The following MUC12 variants were observed in gnomAD, a reference collection of about 807,000 sequenced individuals.
The protein encoded by MUC12 is mucin 12, cell surface associated, also known as mucin-12.
MUC12 carries 172 observed loss-of-function variants against 230.8 expected under a neutral mutation model. The ratio of observed to expected loss-of-function variants is 0.75; its 90% CI spans 0.66 to 0.85. The LOEUF (loss-of-function observed/expected upper bound fraction) is 0.85, where lower values mean the gene tolerates loss of function less well. Ranked by LOEUF, MUC12 falls within the 40% of genes least tolerant of loss-of-function variation. MUC12 has a pLI of 0.00. For missense variants in MUC12, 3,506 were observed against 5,920.6 expected (o/e 0.59, Z 13.38); for synonymous variants, 1,259 against 2,401.9 (o/e 0.52, Z 13.91).
chr7:100,969,744 C>G, intron 1 of MUC12, 55 bp downstream of exon 1: 1 of 1,535,362 alleles, frequency 6.5e-7, no homozygotes, highest in Non-Finnish European at 8.7e-7. Context: ...GGTAATAGTA[C>G]ATGCCCCTGC....
rs545532995 is a variant in MUC12 at position 101,004,941 on chromosome 7, A to G, written c.14378A>G (p.Glu4793Gly). Residue 4793 changes from glutamate (E) to glycine (G), a missense_variant, in exon 2 of 12, where the codon GAA (glutamate) becomes GGA (glycine). Physicochemically the swap from Glu to Gly is moderately conservative, Grantham distance 98. Coordinates refer to ENST00000536621, the MANE Select transcript of MUC12 (RefSeq NM_001164462.2). The part of the protein sequence containing the change: ...ASTTTSGLSQ[E>G]STTFHSKPGS... ...ACCACCACCTCAGGCCTCAGTCAGG[A>G]ATCAACAACTTTCCACAGTAAGCCA... 9.8e-6 allele frequency: 15 copies of G among 1,537,854 alleles called. No individual in the cohort carries two copies. In the East Asian group the frequency reaches 1.5e-4, roughly 15 times the overall value.
intron 5 of MUC12, 71 bp downstream of exon 5, chr7:101,009,230 T>C: frequency 7.0e-7 from 1 of 1,424,702 alleles, no homozygotes; most frequent in Non-Finnish European, 9.6e-7. Flanking sequence ...TGCCTCCTCC[T>C]ATCATGAATG....
At chr7:101,008,247 C>G (rs1793785498) in intron 3 of MUC12, among the ~76,000 whole-genome samples, 1 of 152,142 alleles carries the variant, frequency 6.6e-6, no homozygotes, top group Non-Finnish European at 1.5e-5. Flanking sequence ...TGGCCTCAGC[C>G]TTCCGAGTAG....
At chr7:100,972,082 G>A (rs755774451) in intron 1 of MUC12, 1 of 703,080 alleles carries the variant, frequency 1.4e-6, no homozygotes, top group Non-Finnish European at 2.6e-6. Flanking sequence ...CGGAAGATCT[G>A]ATTAGATCCA....
intron 1 of MUC12, among the ~76,000 whole-genome samples, chr7:100,970,804 T>C (rs1271805836): frequency 6.6e-6 from 1 of 151,988 alleles, no homozygotes; most frequent in Non-Finnish European, 1.5e-5. Context: ...GAGACCATCC[T>C]GGCTAACACG....
Position 101,014,053 on chromosome 7 carries a change from T to C in MUC12, c.15779T>C (p.Leu5260Pro). Residue 5260 changes from leucine to proline, a missense_variant, in exon 9 of 12, where the codon CTA (leucine) becomes CCA (proline). Transcript: ENST00000536621. ...ATCATCCTAATCATCTTATTCAGCCTATCCCAGAGAAAACGGCACAGGTGA... is the reference window on the plus strand; with the variant it reads ...ATCATCCTAATCATCTTATTCAGCCCATCCCAGAGAAAACGGCACAGGTGA... ...ALIILIILFS[L>P]SQRKRHREQY... is the part of the protein sequence containing the mutation. 1 of 1,535,234 alleles carries C rather than the reference T, an allele frequency of 6.5e-7. No individual in the cohort carries two copies. The highest frequency in any genetic ancestry group is 8.7e-7 in the Non-Finnish European group (1 of 1,145,732).
Position 101,018,716 on chromosome 7 carries a change from G to C in MUC12, c.*80G>C. ...AGAGCCCACCACAAGCCTCCGGGGC[G>C]GGTCAAGAGGAGACCGAAGTCAGGC... On this transcript the variant is annotated 3_prime_UTR_variant, in exon 12 of 12. Coordinates refer to ENST00000536621, the MANE Select transcript of MUC12 (RefSeq NM_001164462.2). 1 of 1,409,900 alleles carries C rather than the reference G, an allele frequency of 7.1e-7. No homozygotes were observed. The highest frequency in any genetic ancestry group is 9.5e-7 in the Non-Finnish European group (1 of 1,057,494). 87.3% of individuals were successfully genotyped at this position (1,409,900 alleles called of 1,614,324 possible).
intron 1 of MUC12, among the ~76,000 whole-genome samples, chr7:100,990,180 T>A (rs1029138728): frequency 6.6e-6 from 1 of 152,102 alleles, no homozygotes; most frequent in Non-Finnish European, 1.5e-5. Context: ...AAGAAGTGAG[T>A]AGCGGGCCAG....
chr7:101,009,130 G>A lies in MUC12; in HGVS notation c.15222G>A (p.Gln5074=). Residue 5074 remains glutamine, a synonymous_variant, in exon 5 of 12, where the codon CAG becomes CAA. Coordinates refer to ENST00000536621, the MANE Select transcript of MUC12 (RefSeq NM_001164462.2). ...TTTTGAAGGGCGACAATCTTCCTCA[G>A]TATAGAGGGGTGAACATTCGGAGAT... is the stretch of plus-strand genomic sequence containing the variant. The part of the protein sequence containing the change: ...DVVLKGDNLP[Q]YRGVNIRRLL... The A allele has an allele frequency of 1.3e-6, 2 of 1,537,948 alleles. No individual in the cohort carries two copies. Among genetic ancestry groups the A allele is most frequent in the Non-Finnish European group, 1.7e-6 (2 of 1,147,058 alleles).
At chr7:101,011,668 C>T (rs1793841242) in intron 5 of MUC12, among the ~76,000 whole-genome samples, 1 of 152,172 alleles carries the variant, frequency 6.6e-6, no homozygotes, top group African/African-American at 2.4e-5. Flanking sequence ...GCAGTCCTCC[C>T]ACCTCGGCCT....
chr7:101,012,333 G>C lies in MUC12; in HGVS notation c.15289G>C (p.Glu5097Gln). The C allele has an allele frequency of 6.5e-7, 1 of 1,537,316 alleles. No homozygotes were observed. The highest frequency in any genetic ancestry group is 8.7e-7 in the Non-Finnish European group (1 of 1,146,934). ...CGTGGTCAAGAACGATGTCATCCTG[G>C]AGGCAGACTACACTTTAGAGTATGA... ...SIVVKNDVIL[E>Q]ADYTLEYEEL... The change falls in exon 6 of 12, where the codon GAG (glutamate) becomes CAG (glutamine). Residue 5097 changes from glutamate to glutamine, a missense_variant. Transcript: ENST00000536621.
At chr7:101,008,860 T>C in intron 4 of MUC12, 99 bp downstream of exon 4, 1 of 1,420,716 alleles carries the variant, frequency 7.0e-7, no homozygotes, top group Non-Finnish European at 9.3e-7. Flanking sequence ...CTTCTGCTCA[T>C]GAGCCCCCTC....
chr7:101,013,804 T>G, intron 8 of MUC12, 109 bp from the exon 9 acceptor site: 3 of 1,269,966 alleles, frequency 2.4e-6, no homozygotes, highest in Non-Finnish European at 3.1e-6. Context: ...GCTCCAGCCG[T>G]TGGAGTGAGG....
rs531548550 is a variant in MUC12, at chr7:100,993,956, C to T, written c.3393C>T (p.Thr1131=). The change falls in exon 2 of 12, where the codon ACC becomes ACT. Residue 1131 remains threonine (T), a synonymous_variant. Transcript: ENST00000536621. ...TSLGVGEEST[T]SRSQPGSTHS... ...TGGGCGTCGGTGAAGAATCCACCACCTCCCGTAGCCAACCAGGTTCTACTC... is the reference window on the plus strand; with the variant it reads ...TGGGCGTCGGTGAAGAATCCACCACTTCCCGTAGCCAACCAGGTTCTACTC... The T allele has an allele frequency of 6.2e-5, 87 of 1,394,140 alleles. 14 individuals carry two copies. In the African/African-American group the frequency reaches 1.5e-3, roughly 23 times the overall value. The allele number at this position is 1,394,140 out of a possible 1,614,324, so 86.4% of individuals were successfully genotyped here.
Position 101,014,005 on chromosome 7 carries a change from T to A in MUC12, c.15731T>A (p.Met5244Lys), listed in dbSNP as rs1428496404. ...SLVYGIVGAVMAVLLLALIIL... is the reference protein window; with the variant it reads ...SLVYGIVGAVKAVLLLALIIL... ...GTGTATGGGATCGTGGGGGCTGTGA[T>A]GGCGGTGCTGCTGCTCGCATTGATC... The change falls in exon 9 of 12, where the codon ATG becomes AAG. Residue 5244 changes from methionine (M) to lysine (K), a missense_variant. Met to Lys is a moderately conservative substitution (Grantham distance 95). Transcript: ENST00000536621. The A allele has an allele frequency of 2.6e-6, 4 of 1,536,958 alleles. No homozygotes were observed. Among genetic ancestry groups the A allele is most frequent in the Non-Finnish European group, 3.5e-6 (4 of 1,146,830 alleles).
chr7:101,008,586 A>ATTATTGGGAGGTCGCGGAC, intron 3 of MUC12, 48 bp from the exon 4 acceptor site: 1 of 1,522,150 alleles, frequency 6.6e-7, no homozygotes, highest in Non-Finnish European at 8.8e-7. Context: ...CCTGGGGGAC[A>ATTATTGGGAGGTCGCGGAC]TTATTGGGAG....
In MUC12 at chr7:100,992,677, A is replaced by T. The variant is rs766022988; in HGVS notation, c.2114A>T (p.Asp705Val). 2.0e-6 allele frequency: 3 copies of T among 1,535,096 alleles called. No individual in the cohort carries two copies. The highest frequency in any genetic ancestry group is 2.4e-5 in the South Asian group (2 of 83,970). ...CAAACAATGCACTTCCCTGAAAGCGACACAACTTCAGGCCGTGGTGAAGAA... is the reference window on the plus strand; with the variant it reads ...CAAACAATGCACTTCCCTGAAAGCGTCACAACTTCAGGCCGTGGTGAAGAA... The part of the protein sequence containing the change: ...STQTMHFPES[D>V]TTSGRGEEST... The change falls in exon 2 of 12, where the codon GAC becomes GTC. Residue 705 changes from aspartate to valine, a missense_variant. By Grantham distance (152) the Asp-to-Val change is radical. Transcript: ENST00000536621.
At chr7:100,976,097 G>C (rs924516497) in intron 1 of MUC12, among the ~76,000 whole-genome samples, 6 of 152,188 alleles carry the variant, frequency 3.9e-5, no homozygotes, top group African/African-American at 1.4e-4. Context: ...TTTGAGACTA[G>C]CCTGGGCAAA....
chr7:101,005,567 G>A (rs968581602), intron 2 of MUC12, 48 bp downstream of exon 2: 2 of 1,486,446 alleles, frequency 1.3e-6, no homozygotes, highest in African/African-American at 1.4e-5. Context: ...CTCCAGGCCT[G>A]TCCATGAGTC....
Sources: gnomAD v4.1 joint callset for allele counts (sites outside exome capture counted in the v4.1 genomes callset) on GRCh38, gnomAD v4.1.1 for gene constraint, MANE v1.5 for transcripts, NCBI Gene and HGNC (gene_info 2026-07-23, HGNC 2026-07-21) for gene names.